The following PRDM2 variants were observed in gnomAD, a reference collection of about 807,000 sequenced individuals.
PRDM2 encodes the protein PR/SET domain 2.
A neutral mutation model predicts 130.0 loss-of-function variants in PRDM2; 30 were observed. That is an observed-to-expected ratio of 0.23 (90% confidence interval 0.17 to 0.31). The LOEUF (loss-of-function observed/expected upper bound fraction) is 0.31. Ranked by LOEUF, PRDM2 falls within the 10% of genes least tolerant of loss-of-function variation. The pLI is 1.00. For missense variants in PRDM2, 2,011 were observed against 2,108.4 expected (o/e 0.95, Z 0.90); for synonymous variants, 871 against 782.4 (o/e 1.11, Z -1.89).
At chr1:13,793,389 C>T (rs543124876) in intron 8 of PRDM2, among the ~76,000 whole-genome samples, 10 of 152,326 alleles carry the variant, frequency 6.6e-5, no homozygotes, top group African/African-American at 1.4e-4. Context: ...AGGGAGGCAC[C>T]GCTAAGGAAA....
In PRDM2 at chr1:13,780,526, A is replaced by G; in HGVS notation, c.2731A>G (p.Arg911Gly). 9 of 1,614,220 alleles carry G rather than the reference A, an allele frequency of 5.6e-6. No individual in the cohort carries two copies. The highest frequency in any genetic ancestry group is 7.6e-6 in the Non-Finnish European group (9 of 1,180,040). ...TGTAGAAAACCCTGCAGATGGGACC[A>G]GGAGCCCAAGTCCTTGTAAATCCCT... Reference protein sequence around the residue: ...LPVENPADGTRSPSPCKSLEA... With the variant: ...LPVENPADGTGSPSPCKSLEA... The change falls in exon 8 of 10, where the codon AGG becomes GGG. Residue 911 changes from arginine to glycine, a missense_variant. Physicochemically the swap from Arg to Gly is moderately radical, Grantham distance 125. Coordinates refer to ENST00000311066, the MANE Select transcript of PRDM2 (RefSeq NM_001393986.1).
At chr1:13,716,702 A>G (rs1642552377) in intron 2 of PRDM2, among the ~76,000 whole-genome samples, 2 of 152,194 alleles carry the variant, frequency 1.3e-5, no homozygotes, top group African/African-American at 4.8e-5. Context: ...TGTGGATCTA[A>G]TAATATATTC....
At chr1:13,770,266 G>A (rs1644328007) in intron 6 of PRDM2, 4 of 452,962 alleles carry the variant, frequency 8.8e-6, no homozygotes, top group South Asian at 4.8e-5. Context: ...TTGACATTTA[G>A]TATCAGCTAG....
At chr1:13,746,547 T>TA (rs1178617731) in intron 5 of PRDM2, among the ~76,000 whole-genome samples, 1 of 150,660 alleles carries the variant, frequency 6.6e-6, no homozygotes, top group East Asian at 1.9e-4. Flanking sequence ...TTTATTTATT[T>TA]ATTTATTTAT....
intron 8 of PRDM2, among the ~76,000 whole-genome samples, chr1:13,785,353 C>T (rs1017407720): frequency 6.6e-6 from 1 of 152,210 alleles, no homozygotes; most frequent in African/African-American, 2.4e-5. Context: ...GAACAGGCAG[C>T]ACATCCTTGT....
Position 13,773,162 on chromosome 1 carries a change from C to G in PRDM2, c.596C>G (p.Ser199Cys). The G allele has an allele frequency of 6.4e-7, 1 of 1,568,098 alleles. No individual in the cohort carries two copies. The highest frequency in any genetic ancestry group is 8.6e-7 in the Non-Finnish European group (1 of 1,160,998). The change falls in exon 7 of 10, where the codon TCT becomes TGT. Residue 199 changes from serine to cysteine, a missense_variant. Ser to Cys is a moderately radical substitution (Grantham distance 112). This residue lies in a region of PRDM2 where 1,288 missense variants were observed against 1,237.7 expected (regional missense o/e 1.04). Transcript: ENST00000311066. ...QLKTSEPDFT[S>C]ANMRDSAEGP... ...AAGACAAGTGAGCCAGATTTCACCT[C>G]TGCAAATATGAGAGATTCTGCAGAA...
At chr1:13,797,073 T>C (rs1570074791) in intron 8 of PRDM2, among the ~76,000 whole-genome samples, 1 of 152,320 alleles carries the variant, frequency 6.6e-6, no homozygotes, top group East Asian at 1.9e-4. Flanking sequence ...GAATAAATAA[T>C]CTATTTGGTG....
chr1:13,779,450 A>G lies in PRDM2; in HGVS notation c.1655A>G (p.Asp552Gly). Residue 552 changes from aspartate to glycine, a missense_variant, in exon 8 of 10, where the codon GAT (aspartate) becomes GGT (glycine). By Grantham distance (94) the Asp-to-Gly change is moderately conservative. Transcript: ENST00000311066. The surrounding 1 kb of genome is among the most constrained non-coding windows in gnomAD (Gnocchi z 4.9). ...CCGGAGGAGGAAGGGGAAGCAGATG[A>G]TGTGTACATCATGGACATTTCTAGC... ...TEPEEEGEAD[D>G]VYIMDISSNI... 1 of 1,614,202 alleles carries G rather than the reference A, an allele frequency of 6.2e-7. No individual in the cohort carries two copies. Among genetic ancestry groups the G allele is most frequent in the East Asian group, 2.2e-5 (1 of 44,876 alleles).
chr1:13,810,293 C>T (rs1012801889), intron 8 of PRDM2, among the ~76,000 whole-genome samples: 14 of 152,194 alleles, frequency 9.2e-5, no homozygotes, highest in Non-Finnish European at 1.8e-4. Context: ...ACTTGCCCTC[C>T]TTTCCCGCTT....
At chr1:13,792,690 C>G (rs1644859157) in intron 8 of PRDM2, among the ~76,000 whole-genome samples, 1 of 152,190 alleles carries the variant, frequency 6.6e-6, no homozygotes. Context: ...GGCTGTAGAT[C>G]TGAAGGACTT....
Position 13,782,354 on chromosome 1 carries a change from C to T in PRDM2, c.4559C>T (p.Ala1520Val), listed in dbSNP as rs776066955. The change falls in exon 8 of 10, where the codon GCG becomes GTG. Residue 1520 changes from alanine to valine, a missense_variant. Around this residue, in one of 5 missense-constraint regions of PRDM2, gnomAD observed 410 missense variants for 395.9 expected, o/e 1.04. Transcript: ENST00000311066. ...AACCACCGCAGACGGACAGCGGATG[C>T]GGAGATTAAAATGCAAAGCATGCAG... ...NSNHRRRTAD[A>V]EIKMQSMQTP... The T allele has an allele frequency of 7.4e-6, 12 of 1,613,924 alleles. No individual in the cohort carries two copies. Among genetic ancestry groups the T allele is most frequent in the Middle Eastern group, 3.3e-4 (2 of 6,084 alleles).
At chr1:13,706,361 A>G (rs1007445543) in intron 1 of PRDM2, among the ~76,000 whole-genome samples, 28 of 152,136 alleles carry the variant, frequency 1.8e-4, no homozygotes, top group African/African-American at 6.8e-4. Flanking sequence ...TTTCTTGCCA[A>G]CACTGCCTTC....
intron 9 of PRDM2, among the ~76,000 whole-genome samples, chr1:13,819,889 G>A (rs1360691745): frequency 2.0e-5 from 3 of 152,106 alleles, no homozygotes; most frequent in African/African-American, 7.2e-5. Context: ...CCTCCCAAAG[G>A]CCCCACCTCC....
At chr1:13,719,749 A>G (rs1474661197) in intron 2 of PRDM2, among the ~76,000 whole-genome samples, 1 of 151,468 alleles carries the variant, frequency 6.6e-6, no homozygotes, top group African/African-American at 2.4e-5. Flanking sequence ...TTAACCAAAT[A>G]ATTTAATGCC....
At chr1:13,701,141 A>C (rs1642062544) in intron 1 of PRDM2, among the ~76,000 whole-genome samples, 2 of 152,286 alleles carry the variant, frequency 1.3e-5, no homozygotes, top group South Asian at 4.2e-4. Flanking sequence ...TACGCAGCTG[A>C]AATTTCCCCT....
intron 6 of PRDM2, among the ~76,000 whole-genome samples, chr1:13,753,952 GA>G (rs2100554941): frequency 6.6e-6 from 1 of 152,300 alleles, no homozygotes; most frequent in African/African-American, 2.4e-5. Flanking sequence ...TGTTCACATG[GA>G]ATCACATTCT....
chr1:13,759,374 A>G (rs921357663), intron 6 of PRDM2, among the ~76,000 whole-genome samples: 2 of 152,186 alleles, frequency 1.3e-5, no homozygotes, highest in African/African-American at 4.8e-5. Context: ...AGAATGGGCA[A>G]CAATGCAGTT....
intron 2 of PRDM2, among the ~76,000 whole-genome samples, chr1:13,720,350 A>G (rs1030468535): frequency 1.3e-5 from 2 of 152,084 alleles, no homozygotes; most frequent in African/African-American, 4.8e-5. Flanking sequence ...GAGTATGGAG[A>G]GAAGGGCTGG....
chr1:13,797,450 A>G lies in PRDM2; in HGVS notation c.5036+14619A>G, dbSNP rs755941944. 3.3e-5 allele frequency among the ~76,000 whole-genome samples: 5 copies of G among 152,356 alleles called. 1 individual carries two copies. The South Asian group carries it at 1.0e-3, about 32-fold the overall frequency. On this transcript the variant is annotated intron_variant, in intron 8 of 9. Transcript: ENST00000311066. ...GTTGAAATATATGCCGTGCCAGATT[A>G]TTTCAACATTGTAATTAATGATAGG...
Sources: allele counts gnomAD v4.1 joint callset (sites outside exome capture counted in the v4.1 genomes callset), GRCh38; gene constraint gnomAD v4.1.1; regional missense constraint gnomAD v4.1.1; non-coding constraint Gnocchi (gnomAD v3.1); transcripts MANE v1.5; gene names NCBI Gene and HGNC (gene_info 2026-07-23, HGNC 2026-07-21).